The following NHSL3 variants were observed in gnomAD, a reference collection of about 807,000 sequenced individuals.
NHSL3 encodes the protein NHS-like protein 3.
the NHSL3 span, among the ~76,000 whole-genome samples, chr1:32,745,579 T>A: frequency 1.1e-3 from 140 of 122,724 alleles, 1 homozygote; most frequent in African/African-American, 3.7e-3. Context: ...AAAAAAAAAA[T>A]GGACAACTCT....
the NHSL3 span, chr1:32,770,906 G>A: frequency 9.9e-6 from 16 of 1,610,398 alleles, no homozygotes; most frequent in Admixed American, 1.7e-5. This position sits in a 1 kb window ranked among gnomAD's most constrained non-coding sequence, Gnocchi z 8.3. Context: ...TCCCCAGAAC[G>A]GACACTTTCG....
chr1:32,754,375 G>C, the NHSL3 span, among the ~76,000 whole-genome samples: 3 of 152,002 alleles, frequency 2.0e-5, no homozygotes, highest in African/African-American at 7.3e-5. Context: ...ACACGTACAT[G>C]TTCGCAGTTT....
At chr1:32,757,691 T>A in the NHSL3 span, among the ~76,000 whole-genome samples, 1 of 152,302 alleles carries the variant, frequency 6.6e-6, no homozygotes, top group South Asian at 2.1e-4. Context: ...AGCCACAGGC[T>A]ATTCTCCCAT....
chr1:32,770,316 C>T, the NHSL3 span: 2 of 1,612,460 alleles, frequency 1.2e-6, no homozygotes, highest in Non-Finnish European at 1.7e-6. The surrounding 1 kb of genome is among the most constrained non-coding windows in gnomAD (Gnocchi z 8.3). Flanking sequence ...CACTAAGCCG[C>T]TGCAGCCTGC....
At chr1:32,769,214 A>C in the NHSL3 span, among the ~76,000 whole-genome samples, 1 of 152,022 alleles carries the variant, frequency 6.6e-6, no homozygotes. Context: ...AGATTGCACC[A>C]CTGCACTCCA....
chr1:32,772,370 G>T, the NHSL3 span: 1 of 1,587,606 alleles, frequency 6.3e-7, no homozygotes, highest in Non-Finnish European at 8.6e-7. Flanking sequence ...AGGACTAAGA[G>T]GGAGCTGGCG....
chr1:32,770,613 T>A, the NHSL3 span: 4 of 1,515,702 alleles, frequency 2.6e-6, no homozygotes, highest in Non-Finnish European at 3.5e-6. The surrounding 1 kb of genome is among the most constrained non-coding windows in gnomAD (Gnocchi z 8.3). Flanking sequence ...CACTCAGCAT[T>A]CGGAGCAGTG....
chr1:32,771,293 A>G, the NHSL3 span: 1 of 1,605,184 alleles, frequency 6.2e-7, no homozygotes, highest in Non-Finnish European at 8.5e-7. Flanking sequence ...GCCAGTCCTC[A>G]GTCCCCTCCC....
chr1:32,742,666 A>G, the NHSL3 span, among the ~76,000 whole-genome samples: 1 of 152,224 alleles, frequency 6.6e-6, no homozygotes, highest in African/African-American at 2.4e-5. Context: ...TTCCAGCCCC[A>G]CAAAGGACCT....
the NHSL3 span, chr1:32,768,041 G>C: frequency 6.2e-7 from 1 of 1,613,806 alleles, no homozygotes. Flanking sequence ...TAACCCAACA[G>C]ACCCTTCTGG....
the NHSL3 span, among the ~76,000 whole-genome samples, chr1:32,751,170 A>G: frequency 6.6e-6 from 1 of 152,104 alleles, no homozygotes; most frequent in Admixed American, 6.5e-5. Context: ...TGGTTCCTGG[A>G]GTTCTGGTCC....
chr1:32,765,878 TC>T, the NHSL3 span: 1 of 1,475,024 alleles, frequency 6.8e-7, no homozygotes. Flanking sequence ...TGCCTCCCTT[TC>T]CCAGACCCTT....
chr1:32,772,633 A>G, the NHSL3 span, among the ~76,000 whole-genome samples: 2 of 152,158 alleles, frequency 1.3e-5, no homozygotes, highest in African/African-American at 4.8e-5. Flanking sequence ...CTGTGTTTGA[A>G]TTCCAACTTT....
At chr1:32,758,414 C>G in the NHSL3 span, among the ~76,000 whole-genome samples, 1 of 152,126 alleles carries the variant, frequency 6.6e-6, no homozygotes, top group African/African-American at 2.4e-5. Flanking sequence ...TTCCCCCTGC[C>G]TGTAGACCTG....
the NHSL3 span, among the ~76,000 whole-genome samples, chr1:32,764,964 C>T: frequency 6.6e-6 from 1 of 152,152 alleles, no homozygotes; most frequent in Non-Finnish European, 1.5e-5. Flanking sequence ...TCACTGACAG[C>T]GTGGGGCCAA....
the NHSL3 span, among the ~76,000 whole-genome samples, chr1:32,760,987 G>A: frequency 1.6e-4 from 24 of 152,218 alleles, no homozygotes; most frequent in South Asian, 4.8e-3. Flanking sequence ...TCTCTGAGTT[G>A]AGGAGCCCGC....
the NHSL3 span, among the ~76,000 whole-genome samples, chr1:32,759,955 A>G: frequency 6.6e-6 from 1 of 152,210 alleles, no homozygotes; most frequent in African/African-American, 2.4e-5. Context: ...TGAGAACCGT[A>G]AAGTGCCTCC....
At chr1:32,753,834 G>A in the NHSL3 span, among the ~76,000 whole-genome samples, 1 of 152,188 alleles carries the variant, frequency 6.6e-6, no homozygotes, top group Non-Finnish European at 1.5e-5. Context: ...GTGCGCCCTA[G>A]GCTGGGCGGC....
the NHSL3 span, chr1:32,771,778 G>A: frequency 6.2e-7 from 1 of 1,613,600 alleles, no homozygotes; most frequent in Non-Finnish European, 8.5e-7. Flanking sequence ...TAGCAAGGGT[G>A]GTGGGCCTCC....
Sources: gnomAD v4.1 joint callset for allele counts (sites outside exome capture counted in the v4.1 genomes callset) on GRCh38, gnomAD v4.1.1 for gene constraint, Gnocchi (gnomAD v3.1) non-coding constraint, MANE v1.5 for transcripts, NCBI Gene and HGNC (gene_info 2026-07-23, HGNC 2026-07-21) for gene names.